Variants in ZDHHC21 observed in about 807,000 individuals in gnomAD.
ZDHHC21 encodes the protein palmitoyltransferase ZDHHC21.
Under a neutral mutation model 34.6 loss-of-function variants are expected in ZDHHC21, and 15 were observed. That is an observed-to-expected ratio of 0.43 (90% CI 0.29 to 0.67). The LOEUF is 0.67. ZDHHC21 is among the 30% of genes least tolerant of loss of function. ZDHHC21 has a pLI of 0.14. For missense variants in ZDHHC21, 344 were observed against 327.7 expected (o/e 1.05, Z -0.38); for synonymous variants, 142 against 101.8 (o/e 1.40, Z -2.38).
chr9:14,645,928 GC>G (rs1830209663), intron 7 of ZDHHC21, among the ~76,000 whole-genome samples: 1 of 152,092 alleles, frequency 6.6e-6, no homozygotes, highest in East Asian at 1.9e-4. Flanking sequence ...AGGATATGAG[GC>G]CATCAGAATT....
intron 8 of ZDHHC21, among the ~76,000 whole-genome samples, chr9:14,624,916 T>C (rs1177698219): frequency 6.6e-6 from 1 of 152,118 alleles, no homozygotes; most frequent in East Asian, 1.9e-4. Flanking sequence ...CCCATAACTA[T>C]GTACAATTAT....
intron 7 of ZDHHC21, 45 bp from the exon 8 acceptor site, chr9:14,640,057 C>T (rs6474849): frequency 0.93 from 1,071,891 of 1,151,770 alleles, 499,878 homozygotes; most frequent in Non-Finnish European, 0.95. Flanking sequence ...GAGTTGCTTA[C>T]ATTGCTTACA....
chr9:14,630,012 C>T (rs745375277), intron 8 of ZDHHC21, among the ~76,000 whole-genome samples: 8 of 152,124 alleles, frequency 5.3e-5, no homozygotes, highest in African/African-American at 1.2e-4. Flanking sequence ...CGCCACTGCA[C>T]GCCAGCCTGG....
At chr9:14,647,528 C>T (rs1564284232) in intron 7 of ZDHHC21, among the ~76,000 whole-genome samples, 1 of 152,228 alleles carries the variant, frequency 6.6e-6, no homozygotes, top group East Asian at 1.9e-4. Context: ...AGCTAACTCC[C>T]TGTTGACTAT....
chr9:14,639,862 C>G, intron 8 of ZDHHC21, 34 bp downstream of exon 8: 1 of 1,251,928 alleles, frequency 8.0e-7, no homozygotes, highest in Non-Finnish European at 1.1e-6. Flanking sequence ...GTAATATATT[C>G]ATAAATGTTA....
intron 7 of ZDHHC21, among the ~76,000 whole-genome samples, chr9:14,646,370 C>A (rs1280421037): frequency 6.6e-6 from 1 of 151,990 alleles, no homozygotes; most frequent in African/African-American, 2.4e-5. Context: ...AAAGTTGTAA[C>A]AGTGAAATAC....
chr9:14,608,894 T>C (rs1823107431), downstream of ZDHHC21, among the ~76,000 whole-genome samples: 1 of 152,158 alleles, frequency 6.6e-6, no homozygotes, highest in Non-Finnish European at 1.5e-5. Flanking sequence ...GTATTTTTAG[T>C]TTTTGCCTCT....
At chr9:14,686,122 G>A (rs181261108) in intron 2 of ZDHHC21, among the ~76,000 whole-genome samples, 1 of 151,924 alleles carries the variant, frequency 6.6e-6, no homozygotes, top group Admixed American at 6.6e-5. Context: ...GTTAATGGGT[G>A]CAGCAAATCA....
chr9:14,689,188 G>A (rs547731114), intron 2 of ZDHHC21, among the ~76,000 whole-genome samples: 2 of 152,064 alleles, frequency 1.3e-5, no homozygotes, highest in Admixed American at 6.6e-5. Flanking sequence ...ATTTCTACAC[G>A]TTGGTTAGGG....
chr9:14,644,015 T>C (rs1380269972), intron 7 of ZDHHC21, among the ~76,000 whole-genome samples: 2 of 152,208 alleles, frequency 1.3e-5, no homozygotes, highest in Non-Finnish European at 2.9e-5. Flanking sequence ...TAAAGTTACA[T>C]TTTCAAGTTA....
In ZDHHC21 at chr9:14,614,231, T is replaced by G. The variant is rs1316483779; in HGVS notation, c.*4735A>C. 6.6e-6 allele frequency: 1 copy of G among 151,676 alleles called. No homozygotes were observed. The highest frequency in any genetic ancestry group is 1.5e-5 in the Non-Finnish European group (1 of 67,732). 9.4% of individuals were successfully genotyped at this position (151,676 alleles called of 1,614,324 possible). On this transcript the variant is annotated 3_prime_UTR_variant, in exon 10 of 10. Transcript: ENST00000380916. ...ACTCATTTGTACCTATTCTCTAGGG[T>G]GGACAAGGCAAAAAGAACATAATAA...
chr9:14,678,476 G>A (rs745692704), intron 3 of ZDHHC21, among the ~76,000 whole-genome samples: 55 of 151,802 alleles, frequency 3.6e-4, no homozygotes, highest in Non-Finnish European at 6.0e-4. Context: ...AATTAACAAG[G>A]TACATTTTTC....
At chr9:14,664,365 C>G (rs536401625) in intron 5 of ZDHHC21, among the ~76,000 whole-genome samples, 2 of 151,632 alleles carry the variant, frequency 1.3e-5, no homozygotes, top group Non-Finnish European at 2.9e-5. Context: ...CCTATGCCCA[C>G]GGAGTCTCGC....
chr9:14,627,819 C>G (rs1235938707), intron 8 of ZDHHC21, among the ~76,000 whole-genome samples: 2 of 152,122 alleles, frequency 1.3e-5, no homozygotes, highest in Non-Finnish European at 2.9e-5. Flanking sequence ...AGTATTGGTG[C>G]TCATCAGAAT....
intron 7 of ZDHHC21, among the ~76,000 whole-genome samples, chr9:14,644,988 G>T (rs1830047835): frequency 6.6e-6 from 1 of 152,022 alleles, no homozygotes; most frequent in Admixed American, 6.6e-5. Flanking sequence ...ATTCTCGACA[G>T]GGCAAGTTTT....
chr9:14,659,444 C>G (rs1187501301), intron 6 of ZDHHC21, among the ~76,000 whole-genome samples: 1 of 152,162 alleles, frequency 6.6e-6, no homozygotes, highest in Non-Finnish European at 1.5e-5. Context: ...ATACACACAG[C>G]TATACTTCCA....
intron 8 of ZDHHC21, among the ~76,000 whole-genome samples, chr9:14,635,106 G>A (rs187608819): frequency 6.6e-6 from 1 of 152,156 alleles, no homozygotes; most frequent in Non-Finnish European, 1.5e-5. Flanking sequence ...TTGAAGACAG[G>A]TATTTTTAAA....
intron 8 of ZDHHC21, chr9:14,622,421 A>C: frequency 2.1e-6 from 1 of 482,852 alleles, no homozygotes; most frequent in South Asian, 9.0e-5. Flanking sequence ...GGGGCGGGGA[A>C]GTTCCTAAGA....
intron 8 of ZDHHC21, among the ~76,000 whole-genome samples, chr9:14,636,346 T>A (rs113691850): frequency 1.3e-3 from 204 of 152,246 alleles, no homozygotes; most frequent in African/African-American, 4.5e-3. Flanking sequence ...TGAGATCAAT[T>A]CAGTAAGAAG....
Sources: allele counts gnomAD v4.1 joint callset (sites outside exome capture counted in the v4.1 genomes callset), GRCh38; gene constraint gnomAD v4.1.1; transcripts MANE v1.5; gene names NCBI Gene and HGNC (gene_info 2026-07-23, HGNC 2026-07-21).